The following TIAM2 variants were observed in gnomAD, a reference collection of about 807,000 sequenced individuals.
The protein encoded by TIAM2 is rho guanine nucleotide exchange factor TIAM2.
Under a neutral mutation model 152.9 loss-of-function variants are expected in TIAM2, and 80 were observed. The observed-to-expected ratio is 0.52, with a 90% CI of 0.44 to 0.63. TIAM2 has a LOEUF of 0.63. TIAM2 is among the 30% of genes least tolerant of loss of function. TIAM2 has a pLI of 0.00. For synonymous variants in TIAM2, 804 were observed against 838.0 expected, an observed-to-expected ratio of 0.96 and a Z score of 0.70; for missense variants, 1,965 against 2,120.1, an observed-to-expected ratio of 0.93 and a Z score of 1.44.
At chr6:155,083,956 C>G (rs1778125482) in intron 1 of TIAM2, among the ~76,000 whole-genome samples, 1 of 152,146 alleles carries the variant, frequency 6.6e-6, no homozygotes, top group Non-Finnish European at 1.5e-5. Context: ...CCCTGGAAAT[C>G]CTAGTGTCAC....
intron 15 of TIAM2, among the ~76,000 whole-genome samples, chr6:155,237,126 G>A (rs1267185689): frequency 1.3e-5 from 2 of 152,230 alleles, no homozygotes; most frequent in African/African-American, 2.4e-5. Context: ...GGGGGTACAG[G>A]CATTGGGTAA....
intron 1 of TIAM2, among the ~76,000 whole-genome samples, chr6:155,025,734 A>G (rs902345011): frequency 5.3e-5 from 8 of 151,830 alleles, no homozygotes; most frequent in Non-Finnish European, 1.0e-4. Context: ...AGGTTTGGGT[A>G]GTACCCGCCA....
In TIAM2 at chr6:155,025,821, A is replaced by AACACACACACACAC. The variant is rs58173623; in HGVS notation, c.-209+30371_-209+30384dup. ...AACACATGTGAGCACCTCCCCCTCA[A>AACACACACACACAC]ACACACACACACACACACACACACA... On this transcript the variant is annotated intron_variant, in intron 1 of 26. Coordinates refer to ENST00000682666, the MANE Select transcript of TIAM2 (RefSeq NM_012454.4). Among the ~76,000 whole-genome samples the AACACACACACACAC allele has an allele frequency of 2.3e-5, 3 of 131,782 alleles. 1 individual carries two copies. Among genetic ancestry groups the AACACACACACACAC allele is most frequent in the East Asian group, 4.5e-4 (2 of 4,492 alleles). 86.5% of individuals were successfully genotyped at this position (131,782 alleles called of 152,430 possible).
At chr6:155,192,320 A>C (rs751520299) in intron 14 of TIAM2, among the ~76,000 whole-genome samples, 2 of 152,182 alleles carry the variant, frequency 1.3e-5, no homozygotes, top group African/African-American at 2.4e-5. Flanking sequence ...ATGAAAAAAA[A>C]ACAACACAGT....
At chr6:155,194,781 A>T (rs931453253) in intron 14 of TIAM2, among the ~76,000 whole-genome samples, 2 of 152,120 alleles carry the variant, frequency 1.3e-5, no homozygotes, top group East Asian at 3.9e-4. Flanking sequence ...CTGTGTCCCC[A>T]CCCAAATCTC....
chr6:155,228,984 G>A (rs151092727), intron 15 of TIAM2, among the ~76,000 whole-genome samples: 32 of 152,210 alleles, frequency 2.1e-4, no homozygotes, highest in African/African-American at 7.5e-4. Context: ...TGCCACTTGG[G>A]ACATGCACAT....
chr6:155,218,645 C>T lies in TIAM2; in HGVS notation c.3168+7338C>T, dbSNP rs9371872. 0.31 allele frequency among the ~76,000 whole-genome samples: 46,997 copies of T among 151,982 alleles called. 7,483 individuals carry two copies. The highest frequency in any genetic ancestry group is 0.39 in the East Asian group (2,033 of 5,150). ...GGCTGTAAGCTGCCCCTTCCTGGTG[C>T]GTCTCCCATGTATACGTGTGTGTGT... On this transcript the variant is annotated intron_variant, in intron 15 of 26. Coordinates refer to ENST00000682666, the MANE Select transcript of TIAM2 (RefSeq NM_012454.4). This position sits in a 1 kb window ranked among gnomAD's most constrained non-coding sequence, Gnocchi z 4.5.
chr6:155,190,279 T>TTGTCA (rs2115164074), intron 14 of TIAM2, among the ~76,000 whole-genome samples: 1 of 152,344 alleles, frequency 6.6e-6, no homozygotes, highest in African/African-American at 2.4e-5. Context: ...TCTTAAAGTA[T>TTGTCA]TGTCATGTTG....
intron 9 of TIAM2, among the ~76,000 whole-genome samples, chr6:155,176,513 C>T (rs866816556): frequency 3.3e-5 from 5 of 152,206 alleles, no homozygotes; most frequent in African/African-American, 1.2e-4. Flanking sequence ...GGATTACAGG[C>T]GTGAGCCACC....
intron 1 of TIAM2, among the ~76,000 whole-genome samples, chr6:155,066,870 C>T (rs1777704644): frequency 6.6e-6 from 1 of 152,094 alleles, no homozygotes; most frequent in Non-Finnish European, 1.5e-5. Flanking sequence ...ATTCTCCTGC[C>T]TCAGCCTCCT....
chr6:155,080,981 T>G (rs1048301584), intron 1 of TIAM2, among the ~76,000 whole-genome samples: 3 of 152,148 alleles, frequency 2.0e-5, no homozygotes, highest in African/African-American at 4.8e-5. Flanking sequence ...ACTCACTTTC[T>G]CAGCTAAGCT....
At chr6:155,134,067 A>G (rs1279644643) in intron 4 of TIAM2, among the ~76,000 whole-genome samples, 1 of 152,140 alleles carries the variant, frequency 6.6e-6, no homozygotes, top group Non-Finnish European at 1.5e-5. Context: ...TGCCCTAGTC[A>G]TCAAGTTACA....
At position 155,137,430 on chromosome 6, in the gene TIAM2, C is replaced by T. The variant is rs1443819572; in HGVS notation, c.1448C>T (p.Ala483Val). The change falls in exon 5 of 27, where the codon GCC (alanine) becomes GTC (valine). Residue 483 changes from alanine to valine, a missense_variant. Ala to Val is a moderately conservative substitution (Grantham distance 64, BLOSUM62 0). Around this residue, in one of 3 missense-constraint regions of TIAM2, gnomAD observed 1,025 missense variants for 1,119.4 expected, o/e 0.92. Transcript: ENST00000682666. ...AACATAGAAACATCTACAGAAACCGCCGAGTCCAGCAGCGAGTCACTCAGC... is the reference window on the plus strand; with the variant it reads ...AACATAGAAACATCTACAGAAACCGTCGAGTCCAGCAGCGAGTCACTCAGC... ...TENIETSTETAESSSESLSSL... is the reference protein window; with the variant it reads ...TENIETSTETVESSSESLSSL... 6.2e-7 allele frequency: 1 copy of T among 1,614,232 alleles called. No homozygotes were observed. Among genetic ancestry groups the T allele is most frequent in the Non-Finnish European group, 8.5e-7 (1 of 1,180,044 alleles).
intron 7 of TIAM2, among the ~76,000 whole-genome samples, chr6:155,150,499 G>T (rs1323825375): frequency 2.0e-5 from 3 of 152,180 alleles, no homozygotes; most frequent in African/African-American, 4.8e-5. Context: ...GAGACAATTG[G>T]AAGTGACTGA....
At chr6:155,110,318 C>CTTTTTTTTTTTTTTTTTTT (rs67332964) in intron 2 of TIAM2, among the ~76,000 whole-genome samples, 10 of 133,790 alleles carry the variant, frequency 7.5e-5, no homozygotes, top group African/African-American at 2.2e-4. Flanking sequence ...TCTTTCTTTT[C>CTTTTTTTTTTTTTTTTTTT]TTTTTTTTTT....
chr6:155,117,971 A>G (rs931624779), intron 2 of TIAM2, among the ~76,000 whole-genome samples: 1 of 152,176 alleles, frequency 6.6e-6, no homozygotes, highest in Non-Finnish European at 1.5e-5. Context: ...GTTTCTGCCA[A>G]TACTTTGAAC....
At chr6:155,226,411 T>A (rs1038432032) in intron 15 of TIAM2, among the ~76,000 whole-genome samples, 1 of 152,192 alleles carries the variant, frequency 6.6e-6, no homozygotes, top group Non-Finnish European at 1.5e-5. Context: ...GGCTCACGCC[T>A]GTAATCCCAG....
At chr6:155,253,330 A>G in intron 24 of TIAM2, 1 of 410,118 alleles carries the variant, frequency 2.4e-6, no homozygotes, top group South Asian at 4.6e-5. Context: ...TTGATACCCT[A>G]AAATGTGTTA....
At chr6:155,164,639 G>A (rs771927808) in intron 8 of TIAM2, 39 bp downstream of exon 8, 1 of 1,576,658 alleles carries the variant, frequency 6.3e-7, no homozygotes, top group East Asian at 2.3e-5. Context: ...AGCATTCGGG[G>A]AGGGCTGCGG....
Sources: allele counts gnomAD v4.1 joint callset (sites outside exome capture counted in the v4.1 genomes callset), GRCh38; gene constraint gnomAD v4.1.1; regional missense constraint gnomAD v4.1.1; non-coding constraint Gnocchi (gnomAD v3.1); transcripts MANE v1.5; gene names NCBI Gene and HGNC (gene_info 2026-07-23, HGNC 2026-07-21).